Variants in ACVR1B observed in about 807,000 individuals in gnomAD.
The protein encoded by ACVR1B is activin A receptor type 1B, also known as activin receptor type-1B.
In ACVR1B, 15 loss-of-function variants were observed where a neutral mutation model predicts 55.6. That is an observed-to-expected ratio of 0.27 (90% confidence interval 0.18 to 0.42). ACVR1B has a LOEUF of 0.42. Among genes scored for constraint, ACVR1B ranks in the 10% least tolerant of loss-of-function variants. The pLI, the probability that ACVR1B is intolerant of heterozygous loss-of-function variation, is 1.00. For synonymous variants in ACVR1B, 247 were observed against 254.6 expected (o/e 0.97, Z 0.28); for missense variants, 359 against 670.1 (o/e 0.54, Z 5.13).
At chr12:51,981,812 GCA>G (rs1321560212) in intron 4 of ACVR1B, among the ~76,000 whole-genome samples, 4 of 150,530 alleles carry the variant, frequency 2.7e-5, no homozygotes, top group Admixed American at 6.6e-5. Context: ...TCGCGCCACT[GCA>G]CTCCAGCCTG....
chr12:51,982,611 C>T, intron 4 of ACVR1B: 2 of 1,399,380 alleles, frequency 1.4e-6, no homozygotes, highest in Non-Finnish European at 1.9e-6. Flanking sequence ...GCTCCTGTGG[C>T]ATGGTGCAAT....
chr12:51,971,984 T>TG lies in ACVR1B; in HGVS notation c.92-3280dup, dbSNP rs1471129910. 3.3e-5 allele frequency among the ~76,000 whole-genome samples: 5 copies of TG among 152,224 alleles called. No individual in the cohort carries two copies. In the South Asian group the frequency reaches 6.2e-4, roughly 19 times the overall value. On this transcript the variant is annotated intron_variant, in intron 1 of 8. Transcript: ENST00000257963. ...TGAACAGCAGTTTCTTACTGAAACTTGCCACTTCCTAATTAGTGGTTAAGG... is the reference window on the plus strand; with the variant it reads ...TGAACAGCAGTTTCTTACTGAAACTTGGCCACTTCCTAATTAGTGGTTAAGG...
rs1259947665 is a variant in ACVR1B, at chr12:51,984,124, A to G, written c.937A>G (p.Ser313Gly). 21 of 1,614,208 alleles carry G rather than the reference A, an allele frequency of 1.3e-5. No individual in the cohort carries two copies. The highest frequency in any genetic ancestry group is 1.8e-5 in the Non-Finnish European group (21 of 1,180,038). Residue 313 changes from serine (S) to glycine (G), a missense_variant, in exon 5 of 9, where the codon AGT (serine) becomes GGT (glycine). Ser to Gly is a moderately conservative substitution (Grantham distance 56, BLOSUM62 0). Around this residue, in one of 5 missense-constraint regions of ACVR1B, gnomAD observed 119 missense variants for 340.2 expected, o/e 0.35. Transcript: ENST00000257963. ...GMIKLALSAASGLAHLHMEIV... is the reference protein window; with the variant it reads ...GMIKLALSAAGGLAHLHMEIV... Reference sequence around the variant, plus strand: ...GATTAAGCTGGCCTTGTCTGCTGCTAGTGGGCTGGCACACCTGCACATGGA... The same window carrying G: ...GATTAAGCTGGCCTTGTCTGCTGCTGGTGGGCTGGCACACCTGCACATGGA...
intron 3 of ACVR1B, among the ~76,000 whole-genome samples, chr12:51,977,054 G>C (rs2120621760): frequency 6.6e-6 from 1 of 152,288 alleles, no homozygotes; most frequent in South Asian, 2.1e-4. Flanking sequence ...AGTTGCCCAA[G>C]GGTTTTTGGT....
At chr12:51,980,704 T>C (rs1941961483) in intron 3 of ACVR1B, among the ~76,000 whole-genome samples, 1 of 152,234 alleles carries the variant, frequency 6.6e-6, no homozygotes, top group African/African-American at 2.4e-5. Context: ...CCGTGCTTAC[T>C]GAGAGGAGAA....
In ACVR1B at chr12:51,994,153, C is replaced by T. The variant is rs751074293; in HGVS notation, c.*43C>T. On this transcript the variant is annotated 3_prime_UTR_variant, in exon 9 of 9. Coordinates refer to ENST00000257963, the MANE Select transcript of ACVR1B (RefSeq NM_004302.5). The surrounding 1 kb of genome is among the most constrained non-coding windows in gnomAD (Gnocchi z 4.2). ...ACGGAGCTCCTGGCAGCGAGAACTA[C>T]GCACAGCTGCCGCGTTGAGCGTACG... is the stretch of plus-strand genomic sequence containing the variant. 43 of 1,605,830 alleles carry T rather than the reference C, an allele frequency of 2.7e-5. No homozygotes were observed. Among genetic ancestry groups the T allele is most frequent in the Middle Eastern group, 1.8e-4 (1 of 5,674 alleles).
At chr12:51,978,955 A>C (rs1380279125) in intron 3 of ACVR1B, among the ~76,000 whole-genome samples, 1 of 151,936 alleles carries the variant, frequency 6.6e-6, no homozygotes, top group African/African-American at 2.4e-5. Flanking sequence ...CATGAGGTCA[A>C]AAGTTTGAGA....
At chr12:51,993,640 G>C (rs937980646) in intron 8 of ACVR1B, among the ~76,000 whole-genome samples, 1 of 152,028 alleles carries the variant, frequency 6.6e-6, no homozygotes, top group African/African-American at 2.4e-5. Flanking sequence ...AGTGGTGTGT[G>C]CCTGTAGTCC....
intron 7 of ACVR1B, among the ~76,000 whole-genome samples, chr12:51,989,095 A>G (rs1056028217): frequency 2.6e-5 from 4 of 152,128 alleles, no homozygotes; most frequent in Non-Finnish European, 5.9e-5. Context: ...ATCTCTATTA[A>G]AAATACAAAA....
chr12:51,962,444 C>T (rs1941551107), intron 1 of ACVR1B, among the ~76,000 whole-genome samples: 1 of 151,960 alleles, frequency 6.6e-6, no homozygotes, highest in Admixed American at 6.6e-5. Context: ...TACTTGAAAG[C>T]TTTTTGTTTT....
chr12:51,975,502 G>C lies in ACVR1B; in HGVS notation c.329G>C (p.Ser110Thr), dbSNP rs1941830680. The C allele has an allele frequency of 1.2e-6, 2 of 1,613,692 alleles. No homozygotes were observed. Among genetic ancestry groups the C allele is most frequent in the Non-Finnish European group, 1.7e-6 (2 of 1,179,564 alleles). ...YCNRIDLRVP[S>T]GHLKEPEHPS... ...AACAGGATCGACTTGAGGGTGCCCA[G>C]TGGTGAGTGCATGCCCTTGTTGGGC... The change falls in exon 2 of 9, where the codon AGT (serine) becomes ACT (threonine). Residue 110 changes from serine (S) to threonine (T), a missense_variant and splice_region_variant. By Grantham distance (58) the Ser-to-Thr change is moderately conservative. This residue lies in a region of ACVR1B where 133 missense variants were observed against 188.2 expected (regional missense o/e 0.71). Coordinates refer to ENST00000257963, the MANE Select transcript of ACVR1B (RefSeq NM_004302.5).
chr12:51,989,484 T>G lies in ACVR1B; in HGVS notation c.1262-2379T>G, dbSNP rs1942147513. ...GTTTTTAGTAGTGATGGGGCTTCAT[T>G]GTGTTGGCCAGGCTGGTCTCGAACT... On this transcript the variant is annotated intron_variant, in intron 7 of 8. Transcript: ENST00000257963. Among the ~76,000 whole-genome samples the G allele has an allele frequency of 3.9e-5, 6 of 152,014 alleles. No individual in the cohort carries two copies. In the South Asian group the frequency reaches 1.2e-3, roughly 32 times the overall value.
intron 1 of ACVR1B, among the ~76,000 whole-genome samples, chr12:51,971,016 C>T (rs903607793): frequency 6.6e-6 from 1 of 152,148 alleles, no homozygotes; most frequent in Non-Finnish European, 1.5e-5. Context: ...CCACACCCCT[C>T]CTGGTGAGGG....
chr12:51,957,185 C>A (rs1422930211), intron 1 of ACVR1B, among the ~76,000 whole-genome samples: 1 of 152,054 alleles, frequency 6.6e-6, no homozygotes, highest in African/African-American at 2.4e-5. Context: ...CAGTGGCTCA[C>A]GCCTGTAATG....
intron 1 of ACVR1B, among the ~76,000 whole-genome samples, 171 bp from the exon 2 acceptor site, chr12:51,975,094 G>C (rs1010489883): frequency 3.9e-5 from 6 of 152,174 alleles, no homozygotes; most frequent in African/African-American, 1.4e-4. Context: ...TTGTTTGTGA[G>C]CTAAATAAAC....
At chr12:51,952,395 C>A (rs1482581285) in intron 1 of ACVR1B, among the ~76,000 whole-genome samples, 2 of 152,166 alleles carry the variant, frequency 1.3e-5, no homozygotes, top group Non-Finnish European at 2.9e-5. Flanking sequence ...TCCCCTCCCT[C>A]CACTGCCTCC....
chr12:51,963,708 G>A (rs1471911264), intron 1 of ACVR1B, among the ~76,000 whole-genome samples: 2 of 152,120 alleles, frequency 1.3e-5, no homozygotes, highest in South Asian at 2.1e-4. Context: ...ACATTTGGGT[G>A]GTTTCCACCT....
intron 7 of ACVR1B, among the ~76,000 whole-genome samples, chr12:51,988,771 G>T (rs977845138): frequency 4.6e-5 from 7 of 152,082 alleles, no homozygotes; most frequent in Non-Finnish European, 8.8e-5. Context: ...CTGAGGCCAG[G>T]GCTTAAGCCT....
At chr12:51,990,949 A>G (rs901048436) in intron 7 of ACVR1B, among the ~76,000 whole-genome samples, 7 of 152,210 alleles carry the variant, frequency 4.6e-5, no homozygotes, top group African/African-American at 1.7e-4. Context: ...GGGGACACGT[A>G]TCCTTCACAG....
Sources: allele counts gnomAD v4.1 joint callset (sites outside exome capture counted in the v4.1 genomes callset), GRCh38; gene constraint gnomAD v4.1.1; regional missense constraint gnomAD v4.1.1; non-coding constraint Gnocchi (gnomAD v3.1); transcripts MANE v1.5; gene names NCBI Gene and HGNC (gene_info 2026-07-23, HGNC 2026-07-21).